The following ALMS1 variants were observed in gnomAD, a reference collection of about 807,000 sequenced individuals.
ALMS1 encodes the protein centrosome-associated protein ALMS1.
Under a neutral mutation model 352.2 loss-of-function variants are expected in ALMS1, and 271 were observed. The observed-to-expected ratio is 0.77, with a 90% confidence interval of 0.70 to 0.85. The LOEUF (loss-of-function observed/expected upper bound fraction) is 0.85, where lower values mean the gene tolerates loss of function less well. Ranked by LOEUF, ALMS1 falls within the 40% of genes least tolerant of loss-of-function variation. The pLI is 0.00. For synonymous variants in ALMS1, 1,865 were observed against 1,761.2 expected (o/e 1.06, Z -1.48); for missense variants, 5,445 against 4,870.7 (o/e 1.12, Z -3.51).
chr2:73,584,888 T>A (rs2104142520), intron 16 of ALMS1, among the ~76,000 whole-genome samples: 2 of 152,324 alleles, frequency 1.3e-5, no homozygotes, highest in South Asian at 4.1e-4. Context: ...AATATTTGAT[T>A]TTCCATTCCT....
At chr2:73,418,389 A>T (rs1424363686) in intron 2 of ALMS1, among the ~76,000 whole-genome samples, 2 of 152,222 alleles carry the variant, frequency 1.3e-5, no homozygotes, top group Non-Finnish European at 2.9e-5. Context: ...CAGTCAAGTG[A>T]ATTCCCAAGC....
chr2:73,532,958 C>T (rs1328880164), intron 11 of ALMS1, among the ~76,000 whole-genome samples: 1 of 152,176 alleles, frequency 6.6e-6, no homozygotes, highest in Non-Finnish European at 1.5e-5. Context: ...CCTGCCAGGA[C>T]TGGGTCCTTC....
chr2:73,599,596 A>G, intron 17 of ALMS1, 75 bp downstream of exon 17: 2 of 1,486,354 alleles, frequency 1.3e-6, no homozygotes, highest in South Asian at 2.3e-5. Flanking sequence ...ACTCAACCTC[A>G]ATCATAATAA....
At chr2:73,479,510 A>T (rs1372333895) in intron 9 of ALMS1, among the ~76,000 whole-genome samples, 1 of 152,190 alleles carries the variant, frequency 6.6e-6, no homozygotes, top group Non-Finnish European at 1.5e-5. Context: ...TTTTTCACTC[A>T]GCATACTTAT....
At chr2:73,472,794 C>T (rs1195662832) in intron 9 of ALMS1, among the ~76,000 whole-genome samples, 3 of 152,000 alleles carry the variant, frequency 2.0e-5, no homozygotes, top group Non-Finnish European at 2.9e-5. Flanking sequence ...AAATTGTGAT[C>T]GTTTTAACCT....
chr2:73,420,716 A>T (rs1353939523), intron 3 of ALMS1, among the ~76,000 whole-genome samples: 2 of 152,198 alleles, frequency 1.3e-5, no homozygotes, highest in Non-Finnish European at 2.9e-5. Context: ...TCTAATGTAA[A>T]GTTTTATAAC....
chr2:73,427,838 C>T (rs940070708), intron 6 of ALMS1, among the ~76,000 whole-genome samples: 13 of 152,064 alleles, frequency 8.5e-5, no homozygotes, highest in African/African-American at 3.1e-4. Flanking sequence ...AGCCTTATAT[C>T]CTGTTATTCA....
intron 14 of ALMS1, among the ~76,000 whole-genome samples, chr2:73,557,792 A>C (rs1484081173): frequency 1.3e-5 from 2 of 152,230 alleles, no homozygotes; most frequent in African/African-American, 2.4e-5. Flanking sequence ...AATAACCCTA[A>C]TAGTGTATTT....
intron 6 of ALMS1, 95 bp downstream of exon 6, chr2:73,426,648 G>A (rs1671385724): frequency 3.9e-6 from 5 of 1,266,942 alleles, no homozygotes; most frequent in African/African-American, 2.9e-5. Flanking sequence ...ACTTTTTACT[G>A]TTTCCTGGGT....
chr2:73,450,567 T>C lies in ALMS1; in HGVS notation c.4040T>C (p.Val1347Ala), dbSNP rs780953605. 1 of 1,610,996 alleles carries C rather than the reference T, an allele frequency of 6.2e-7. No individual in the cohort carries two copies. The highest frequency in any genetic ancestry group is 1.7e-5 in the Admixed American group (1 of 59,654). Residue 1347 changes from valine to alanine, a missense_variant, in exon 8 of 23, where the codon GTC becomes GCC. Val to Ala is a moderately conservative substitution (Grantham distance 64, BLOSUM62 0). Coordinates refer to ENST00000613296, the MANE Select transcript of ALMS1 (RefSeq NM_001378454.1). ...AAGCCTGGTGTTTTCTACCAACAGG[T>C]CTTGCCACATAGTCATCCAACTGAA... ...TEKPGVFYQQ[V>A]LPHSHPTEEA...
In ALMS1 at chr2:73,450,421, A is replaced by G. The variant is rs112034360; in HGVS notation, c.3894A>G (p.Gln1298=). ...QYREKPSIFY[Q]QSLPSSHLTE... is the part of the protein sequence containing the mutation. The stretch of plus-strand genomic sequence containing the variant: ...GAGAGAAGCCCAGCATTTTCTACCA[A>G]CAGTCGTTGCCAAGTAGTCATCTAA... The change falls in exon 8 of 23, where the codon CAA becomes CAG. Residue 1298 remains glutamine (Q), a synonymous_variant. Coordinates refer to ENST00000613296, the MANE Select transcript of ALMS1 (RefSeq NM_001378454.1). The G allele has an allele frequency of 0.053, 85,470 of 1,612,926 alleles. 2,615 individuals are homozygous for G. The highest frequency in any genetic ancestry group is 0.073 in the African/African-American group (5,424 of 74,474).
At chr2:73,393,264 A>G (rs1425471327) in intron 1 of ALMS1, among the ~76,000 whole-genome samples, 3 of 152,072 alleles carry the variant, frequency 2.0e-5, no homozygotes, top group East Asian at 3.9e-4. Flanking sequence ...AGGACCTACT[A>G]TGTTTTCTTT....
intron 9 of ALMS1, among the ~76,000 whole-genome samples, chr2:73,467,670 A>G (rs1227452277): frequency 6.6e-6 from 1 of 152,092 alleles, no homozygotes; most frequent in Non-Finnish European, 1.5e-5. Context: ...TTATAGCCCC[A>G]AACTGAAAAC....
chr2:73,499,880 C>T (rs1263712945), intron 10 of ALMS1, among the ~76,000 whole-genome samples: 1 of 152,098 alleles, frequency 6.6e-6, no homozygotes, highest in African/African-American at 2.4e-5. Context: ...CCCCACCTTC[C>T]ACTTCTTTTC....
chr2:73,401,506 T>A (rs1670871001), intron 1 of ALMS1, among the ~76,000 whole-genome samples: 1 of 152,224 alleles, frequency 6.6e-6, no homozygotes, highest in African/African-American at 2.4e-5. Flanking sequence ...ATACACTGTT[T>A]AACCTCTTAA....
Position 73,490,183 on chromosome 2 carries a change from T to G in ALMS1, c.8224T>G (p.Cys2742Gly), listed in dbSNP as rs774945791. ...VKVGVTEGSQ[C>G]TGASVGVFNS... ...GGTTGGTGTTACTGAAGGTAGCCAG[T>G]GTACTGGAGCATCTGTGGGGGTATT... Residue 2742 changes from cysteine to glycine, a missense_variant, in exon 10 of 23, where the codon TGT (cysteine) becomes GGT (glycine). Cys to Gly is a radical substitution (Grantham distance 159). Transcript: ENST00000613296. 1 of 1,614,220 alleles carries G rather than the reference T, an allele frequency of 6.2e-7. No individual in the cohort carries two copies. Among genetic ancestry groups the G allele is most frequent in the Non-Finnish European group, 8.5e-7 (1 of 1,180,038 alleles).
intron 16 of ALMS1, among the ~76,000 whole-genome samples, chr2:73,585,392 CTTTTTT>C (rs760209126): frequency 8.2e-6 from 1 of 122,588 alleles, no homozygotes; most frequent in African/African-American, 3.4e-5. Context: ...TGATGATGAG[CTTTTTT>C]TTTTTTTTTT....
At chr2:73,593,691 T>C (rs1329186176) in intron 16 of ALMS1, among the ~76,000 whole-genome samples, 1 of 152,220 alleles carries the variant, frequency 6.6e-6, no homozygotes, top group Non-Finnish European at 1.5e-5. Flanking sequence ...TTTAGAATAT[T>C]TTAAACACCC....
intron 2 of ALMS1, 61 bp from the exon 3 acceptor site, chr2:73,419,062 T>C: frequency 7.3e-7 from 1 of 1,366,864 alleles, no homozygotes; most frequent in Non-Finnish European, 1.0e-6. Flanking sequence ...TTCATCTAAA[T>C]ATTAATATGT....
Sources: gnomAD v4.1 joint callset for allele counts (sites outside exome capture counted in the v4.1 genomes callset) on GRCh38, gnomAD v4.1.1 for gene constraint, MANE v1.5 for transcripts, NCBI Gene and HGNC (gene_info 2026-07-23, HGNC 2026-07-21) for gene names.